ALK: variants seen among roughly 807,000 people sequenced by gnomAD.
ALK encodes the protein ALK tyrosine kinase receptor.
ALK carries 74 observed loss-of-function variants against 163.1 expected under a neutral mutation model. The ratio of observed to expected loss-of-function variants is 0.45; its 90% CI spans 0.38 to 0.55. ALK has a LOEUF of 0.55. ALK is among the 20% of genes least tolerant of loss of function. The pLI is 0.00. For synonymous variants in ALK, 960 were observed against 843.2 expected (o/e 1.14, Z -2.40); for missense variants, 2,063 against 2,105.3 (o/e 0.98, Z 0.39).
intron 1 of ALK, among the ~76,000 whole-genome samples, chr2:29,771,184 C>G (rs998349845): frequency 2.0e-5 from 3 of 152,052 alleles, no homozygotes; most frequent in Non-Finnish European, 4.4e-5. Flanking sequence ...CATATATGCA[C>G]ACGTACACAA....
At chr2:29,563,288 G>A (rs1674078738) in intron 3 of ALK, among the ~76,000 whole-genome samples, 1 of 152,138 alleles carries the variant, frequency 6.6e-6, no homozygotes, top group Non-Finnish European at 1.5e-5. Context: ...ATTACAGAAC[G>A]GGAACACCTA....
intron 1 of ALK, among the ~76,000 whole-genome samples, chr2:29,910,162 A>G (rs1414057707): frequency 6.6e-6 from 1 of 152,172 alleles, no homozygotes; most frequent in African/African-American, 2.4e-5. Flanking sequence ...CATAAACATA[A>G]TGAAGATAGA....
In ALK at chr2:29,920,666, G is replaced by T. The variant is rs1477932078; in HGVS notation, c.-7C>A. 5 of 1,534,452 alleles carry T rather than the reference G, an allele frequency of 3.3e-6. No homozygotes were observed. The highest frequency in any genetic ancestry group is 3.5e-6 in the Non-Finnish European group (4 of 1,147,260). On this transcript the variant is annotated 5_prime_UTR_variant, in exon 1 of 29. Coordinates refer to ENST00000389048, the MANE Select transcript of ALK (RefSeq NM_004304.5). The stretch of plus-strand genomic sequence containing the variant: ...GGAGCCCGATGGCTCCCATCCCGCC[G>T]GAGGAGGCCGTTTACACTGCTCTCC...
intron 1 of ALK, among the ~76,000 whole-genome samples, chr2:29,806,540 C>G (rs1239301727): frequency 1.3e-5 from 2 of 152,198 alleles, no homozygotes; most frequent in Admixed American, 6.5e-5. Flanking sequence ...TGGCTGAAAA[C>G]TTTGAGCTGT....
chr2:29,498,808 C>T lies in ALK; in HGVS notation c.1154+33107G>A, dbSNP rs1672096480. Among the ~76,000 whole-genome samples the T allele has an allele frequency of 4.6e-5, 7 of 152,186 alleles. 1 individual carries two copies. The South Asian group carries it at 1.4e-3, about 32-fold the overall frequency. On this transcript the variant is annotated intron_variant, in intron 4 of 28. Transcript: ENST00000389048. ...GCTTTCACTTTTTCCTAATGAGTGTCTATTCATCGCACTAGTGAGGAGAGT... is the reference window on the plus strand; with the variant it reads ...GCTTTCACTTTTTCCTAATGAGTGTTTATTCATCGCACTAGTGAGGAGAGT...
chr2:29,486,009 C>T (rs1671768411), intron 4 of ALK, among the ~76,000 whole-genome samples: 1 of 152,182 alleles, frequency 6.6e-6, no homozygotes, highest in African/African-American at 2.4e-5. Flanking sequence ...GCTGTATGGA[C>T]TGCTTCCCGC....
chr2:29,888,030 G>T (rs1196737147), intron 1 of ALK, among the ~76,000 whole-genome samples: 1 of 152,162 alleles, frequency 6.6e-6, no homozygotes, highest in African/African-American at 2.4e-5. Flanking sequence ...ACTTTGAGGA[G>T]AGAGTAAGTC....
intron 1 of ALK, among the ~76,000 whole-genome samples, chr2:29,764,109 C>T (rs1022423589): frequency 6.6e-6 from 1 of 152,188 alleles, no homozygotes; most frequent in Admixed American, 6.5e-5. Context: ...CCCATTGTTA[C>T]CAGTGCAGTC....
intron 1 of ALK, among the ~76,000 whole-genome samples, chr2:29,729,392 T>G (rs1237288757): frequency 2.0e-5 from 3 of 152,140 alleles, no homozygotes; most frequent in Non-Finnish European, 2.9e-5. Flanking sequence ...GAGACGCCTA[T>G]TAAGCAATAG....
intron 13 of ALK, among the ~76,000 whole-genome samples, chr2:29,234,860 A>T (rs1216819643): frequency 6.6e-6 from 1 of 152,190 alleles, no homozygotes; most frequent in Non-Finnish European, 1.5e-5. Flanking sequence ...CTACAGGTGC[A>T]CACCACCATG....
At chr2:29,264,827 A>C (rs1312587288) in intron 11 of ALK, among the ~76,000 whole-genome samples, 1 of 152,170 alleles carries the variant, frequency 6.6e-6, no homozygotes, top group Non-Finnish European at 1.5e-5. Context: ...TGGTTTTGTT[A>C]GTGTAAGTGG....
chr2:29,639,818 G>C (rs1253710645), intron 3 of ALK, among the ~76,000 whole-genome samples: 1 of 152,092 alleles, frequency 6.6e-6, no homozygotes, highest in African/African-American at 2.4e-5. Context: ...TTTACATAGG[G>C]AACAGGGAGT....
chr2:29,200,810 T>TATATATATATAC, intron 26 of ALK, among the ~76,000 whole-genome samples: 2 of 145,834 alleles, frequency 1.4e-5, no homozygotes, highest in Admixed American at 1.4e-4. Context: ...TATATATGTG[T>TATATATATATAC]GTATATACAT....
chr2:29,423,160 G>A (rs1670058237), intron 4 of ALK, among the ~76,000 whole-genome samples: 1 of 152,146 alleles, frequency 6.6e-6, no homozygotes, highest in Non-Finnish European at 1.5e-5. Context: ...AGCTATAACG[G>A]AACTAAGTTC....
rs77656088 is a variant in ALK at position 29,710,941 on chromosome 2, G to A, written c.787+6637C>T. The stretch of plus-strand genomic sequence containing the variant: ...GGCATTTCAAATGTAACTTGATTAC[G>A]GTGGATCTCACCACATTTCCTCCTC... On this transcript the variant is annotated intron_variant, in intron 2 of 28. Transcript: ENST00000389048. Among the ~76,000 whole-genome samples the A allele has an allele frequency of 9.0e-3, 1,377 of 152,220 alleles. 23 individuals are homozygous for A. The highest frequency in any genetic ancestry group is 0.032 in the African/African-American group (1,321 of 41,542).
intron 3 of ALK, among the ~76,000 whole-genome samples, chr2:29,561,964 G>A (rs1674036215): frequency 6.6e-6 from 1 of 152,194 alleles, no homozygotes; most frequent in Admixed American, 6.5e-5. Context: ...GAGAATCACT[G>A]ACCCAGGGCC....
At chr2:29,675,528 C>A (rs528797461) in intron 3 of ALK, among the ~76,000 whole-genome samples, 7 of 151,942 alleles carry the variant, frequency 4.6e-5, no homozygotes, top group African/African-American at 1.7e-4. Context: ...GGGGGAGGTC[C>A]GAACCCTCAG....
chr2:29,899,929 A>T (rs1667369954), intron 1 of ALK, among the ~76,000 whole-genome samples: 1 of 152,208 alleles, frequency 6.6e-6, no homozygotes, highest in African/African-American at 2.4e-5. Context: ...AGCCAAATGT[A>T]TTCTAACTAG....
chr2:29,740,667 G>A (rs1448379933), intron 1 of ALK, among the ~76,000 whole-genome samples: 2 of 152,148 alleles, frequency 1.3e-5, no homozygotes, highest in Non-Finnish European at 2.9e-5. Context: ...ATTTAATTGT[G>A]GTACATCCCG....
Sources: allele counts gnomAD v4.1 joint callset (sites outside exome capture counted in the v4.1 genomes callset), GRCh38; gene constraint gnomAD v4.1.1; transcripts MANE v1.5; gene names NCBI Gene and HGNC (gene_info 2026-07-23, HGNC 2026-07-21).